The following MYO3B variants were observed in gnomAD, a reference collection of about 807,000 sequenced individuals.
MYO3B encodes myosin IIIB, also known as myosin-IIIb.
A neutral mutation model predicts 174.6 loss-of-function variants in MYO3B; 156 were observed. The ratio of observed to expected loss-of-function variants is 0.89; its 90% CI spans 0.78 to 1.02. The LOEUF (loss-of-function observed/expected upper bound fraction) is 1.02. Ranked by LOEUF, MYO3B falls within the 50% of genes least tolerant of loss-of-function variation. MYO3B has a pLI of 0.00. For missense variants in MYO3B, 1,632 were observed against 1,639.4 expected (o/e 1.00, Z 0.08); for synonymous variants, 563 against 569.1 (o/e 0.99, Z 0.15).
chr2:170,360,223 A>G (rs1377856195), intron 8 of MYO3B, among the ~76,000 whole-genome samples: 8 of 152,172 alleles, frequency 5.3e-5, no homozygotes, highest in African/African-American at 1.9e-4. Context: ...AGAATTGTGG[A>G]TTTAATTCAG....
intron 7 of MYO3B, among the ~76,000 whole-genome samples, chr2:170,240,430 T>C (rs1477808713): frequency 6.6e-6 from 1 of 152,214 alleles, no homozygotes; most frequent in Admixed American, 6.5e-5. Flanking sequence ...TAAGTACTGT[T>C]ACCACTATTT....
In MYO3B at chr2:170,611,014, T is replaced by C. The variant is rs990293805; in HGVS notation, c.3734-40614T>C. On this transcript the variant is annotated intron_variant, in intron 32 of 34. Coordinates refer to ENST00000408978, the MANE Select transcript of MYO3B (RefSeq NM_138995.5). Reference sequence around the variant, plus strand: ...CAGATCCATGAGACCAGAGGAGCCGTTGAGTCTGTTCTTTTCGGGAAGCAA... The same window carrying C: ...CAGATCCATGAGACCAGAGGAGCCGCTGAGTCTGTTCTTTTCGGGAAGCAA... Among the ~76,000 whole-genome samples, 14 of 152,110 alleles carry C rather than the reference T, an allele frequency of 9.2e-5. 1 individual carries two copies. The South Asian group carries it at 2.1e-3, about 23-fold the overall frequency.
intron 8 of MYO3B, among the ~76,000 whole-genome samples, chr2:170,337,354 T>C (rs540325400): frequency 2.0e-5 from 3 of 152,314 alleles, no homozygotes; most frequent in East Asian, 3.9e-4. Flanking sequence ...ATACCCTTGA[T>C]TGACCTTGTC....
At chr2:170,294,741 C>T (rs1453282723) in intron 7 of MYO3B, among the ~76,000 whole-genome samples, 2 of 151,958 alleles carry the variant, frequency 1.3e-5, no homozygotes, top group East Asian at 1.9e-4. Flanking sequence ...TTTGTCTAAA[C>T]CCATAGAATG....
intron 22 of MYO3B, among the ~76,000 whole-genome samples, chr2:170,417,892 A>G (rs988114266): frequency 1.3e-5 from 2 of 152,030 alleles, no homozygotes; most frequent in Non-Finnish European, 2.9e-5. Flanking sequence ...GGACTCCAAC[A>G]TATGAATTTT....
Position 170,444,043 on chromosome 2 carries a change from C to A in MYO3B, c.2727C>A (p.Ala909=). Residue 909 remains alanine (A), a synonymous_variant, in exon 23 of 35, where the codon GCC becomes GCA. Coordinates refer to ENST00000408978, the MANE Select transcript of MYO3B (RefSeq NM_138995.5). ...SLPPHFSAGK[A]KVDTLEVIRH... ...CTCCACATTTCAGTGCTGGGAAAGC[C>A]AAGGTGAGTAACAGATTTGCACCAA... is the stretch of plus-strand genomic sequence containing the variant. 1 of 1,612,246 alleles carries A rather than the reference C, an allele frequency of 6.2e-7. No individual in the cohort carries two copies. The highest frequency in any genetic ancestry group is 2.2e-5 in the East Asian group (1 of 44,864).
At chr2:170,506,482 A>T (rs983405705) in intron 28 of MYO3B, among the ~76,000 whole-genome samples, 1 of 152,172 alleles carries the variant, frequency 6.6e-6, no homozygotes, top group African/African-American at 2.4e-5. Flanking sequence ...TATTTCTTTC[A>T]TTCACTTACT....
intron 32 of MYO3B, among the ~76,000 whole-genome samples, chr2:170,576,369 T>A (rs1692781675): frequency 6.6e-6 from 1 of 152,318 alleles, no homozygotes; most frequent in East Asian, 1.9e-4. Flanking sequence ...AAACTGGAAC[T>A]ACTGCTACAG....
rs548912473 is a variant in MYO3B, at chr2:170,200,958, G to A, written c.321+674G>A. 3.3e-5 allele frequency among the ~76,000 whole-genome samples: 5 copies of A among 152,320 alleles called. No homozygotes were observed. The South Asian group carries it at 1.0e-3, about 32-fold the overall frequency. On this transcript the variant is annotated intron_variant, in intron 3 of 34. Transcript: ENST00000408978. ...AAGGAGCGTGACTTTGGGGGAGTCA[G>A]TTCTCTGAAGTGGAAGCCAACTTGG... is the stretch of plus-strand genomic sequence containing the variant.
chr2:170,420,525 G>C (rs1251447106), intron 22 of MYO3B, among the ~76,000 whole-genome samples: 1 of 152,174 alleles, frequency 6.6e-6, no homozygotes, highest in African/African-American at 2.4e-5. Flanking sequence ...TCCAGCACCA[G>C]CCTGGAGTGG....
At chr2:170,528,365 T>C (rs904839601) in intron 30 of MYO3B, among the ~76,000 whole-genome samples, 10 of 152,210 alleles carry the variant, frequency 6.6e-5, no homozygotes, top group Non-Finnish European at 1.3e-4. Context: ...TGGGTTTTCT[T>C]ATATCCCATG....
chr2:170,274,087 T>A (rs2093445239), intron 7 of MYO3B, among the ~76,000 whole-genome samples: 1 of 150,178 alleles, frequency 6.7e-6, no homozygotes, highest in Non-Finnish European at 1.5e-5. Flanking sequence ...CAAAGCAAAC[T>A]ACGAGAGAGA....
chr2:170,517,862 C>A (rs773806811), intron 29 of MYO3B, among the ~76,000 whole-genome samples: 1 of 150,380 alleles, frequency 6.6e-6, no homozygotes, highest in African/African-American at 2.5e-5. Context: ...ATTTTATCAA[C>A]GGAGAAAAGG....
At chr2:170,404,024 G>GTT (rs1161643639) in intron 19 of MYO3B, among the ~76,000 whole-genome samples, 1 of 152,136 alleles carries the variant, frequency 6.6e-6, no homozygotes, top group Non-Finnish European at 1.5e-5. Context: ...TGAGAGAGAT[G>GTT]TTTTACTGGT....
At chr2:170,339,538 C>T (rs185856378) in intron 8 of MYO3B, among the ~76,000 whole-genome samples, 19 of 152,206 alleles carry the variant, frequency 1.2e-4, no homozygotes, top group Admixed American at 5.9e-4. Context: ...TGTGTGTGCA[C>T]GTGCATACGC....
In MYO3B at chr2:170,544,000, G is replaced by A. The variant is rs372214483; in HGVS notation, c.3733+12G>A. ...CCCTCAAAAGCCTGGTAAGAAGAAC[G>A]TTTTGAATTGCATGCGGCTTCTACC... On this transcript the variant is annotated intron_variant, in intron 32 of 34. Coordinates refer to ENST00000408978, the MANE Select transcript of MYO3B (RefSeq NM_138995.5). The A allele has an allele frequency of 4.0e-5, 63 of 1,583,224 alleles. No individual in the cohort carries two copies. The highest frequency in any genetic ancestry group is 1.5e-4 in the Admixed American group (9 of 59,744).
chr2:170,341,533 T>G (rs1349009707), intron 8 of MYO3B: 1 of 152,250 alleles, frequency 6.6e-6, no homozygotes, highest in Non-Finnish European at 1.5e-5. Flanking sequence ...CTCTCCATTT[T>G]AGATTTATTT....
intron 7 of MYO3B, among the ~76,000 whole-genome samples, chr2:170,317,469 TC>T (rs2105484963): frequency 2.2e-5 from 1 of 46,508 alleles, no homozygotes; most frequent in East Asian, 1.7e-3. Context: ...GGCTGTAAAC[TC>T]TGTTTTGAAA....
At chr2:170,194,286 C>T (rs985127507) in intron 1 of MYO3B, among the ~76,000 whole-genome samples, 8 of 152,112 alleles carry the variant, frequency 5.3e-5, no homozygotes, top group Non-Finnish European at 1.5e-5. Flanking sequence ...GGGAGGATCA[C>T]TTGAGCCCAG....
Sources: gnomAD v4.1 joint callset for allele counts (sites outside exome capture counted in the v4.1 genomes callset) on GRCh38, gnomAD v4.1.1 for gene constraint, MANE v1.5 for transcripts, NCBI Gene and HGNC (gene_info 2026-07-23, HGNC 2026-07-21) for gene names.